KIF2C: variants seen among roughly 807,000 people sequenced by gnomAD.
KIF2C encodes the protein kinesin family member 2C.
In KIF2C, 34 loss-of-function variants were observed where a neutral mutation model predicts 97.4. The ratio of observed to expected loss-of-function variants is 0.35; its 90% confidence interval spans 0.27 to 0.46. The LOEUF is 0.46. KIF2C is among the 20% of genes least tolerant of loss of function. The pLI is 1.00. For synonymous variants in KIF2C, 313 were observed against 318.2 expected, an observed-to-expected ratio of 0.98 and a Z score of 0.17; for missense variants, 750 against 907.6, an observed-to-expected ratio of 0.83 and a Z score of 2.23.
chr1:44,743,644 T>C (rs1315360042), intron 2 of KIF2C, among the ~76,000 whole-genome samples: 1 of 151,986 alleles, frequency 6.6e-6, no homozygotes, highest in Non-Finnish European at 1.5e-5. Flanking sequence ...AAAAAACAAT[T>C]AGCCAGTCAT....
chr1:44,760,770 G>T lies in KIF2C; in HGVS notation c.1683+68G>T, dbSNP rs1359161190. 18 of 1,289,116 alleles carry T rather than the reference G, an allele frequency of 1.4e-5. No individual in the cohort carries two copies. The highest frequency in any genetic ancestry group is 2.2e-6 in the Non-Finnish European group (2 of 894,450). The allele number at this position is 1,289,116 out of a possible 1,614,324, so 79.9% of individuals were successfully genotyped here. A position where few individuals can be genotyped will look rare whatever the true frequency, so the allele number is the denominator to read the frequency against. On this transcript the variant is annotated intron_variant, in intron 16 of 20. Coordinates refer to ENST00000372224, the MANE Select transcript of KIF2C (RefSeq NM_006845.4). This position sits in a 1 kb window ranked among gnomAD's most constrained non-coding sequence, Gnocchi z 4.2. The stretch of plus-strand genomic sequence containing the variant: ...GAGTTGCTTTCCACAGAGACACTTA[G>T]TCCTGTCCCTGGGCTGGAAGCTCAG...
intron 14 of KIF2C, among the ~76,000 whole-genome samples, chr1:44,759,621 G>C (rs1173619741): frequency 2.0e-5 from 3 of 152,186 alleles, no homozygotes; most frequent in Non-Finnish European, 4.4e-5. Flanking sequence ...CCAGGAGTTA[G>C]AGGTTGCAGT....
At position 44,741,012 on chromosome 1, in the gene KIF2C, G is replaced by T. The variant is rs772276308; in HGVS notation, c.165+5G>T. 53 of 1,605,112 alleles carry T rather than the reference G, an allele frequency of 3.3e-5. No individual in the cohort carries two copies. The Admixed American group carries it at 7.3e-4, about 22-fold the overall frequency. ...GGTGCCACAAAGGGCAAAGAGGTAG[G>T]TTCTATGAGAATTCCTCTACCACAT... On this transcript the variant is annotated splice_donor_5th_base_variant and intron_variant, in intron 2 of 20. Transcript: ENST00000372224.
At position 44,753,746 on chromosome 1, in the gene KIF2C, A is replaced by C; in HGVS notation, c.576A>C (p.Ser192=). 2.5e-6 allele frequency: 4 copies of C among 1,603,168 alleles called. No homozygotes were observed. The highest frequency in any genetic ancestry group is 3.4e-6 in the Non-Finnish European group (4 of 1,174,990). Residue 192 remains serine (S), a synonymous_variant, in exon 7 of 21, where the codon TCA becomes TCC. Transcript: ENST00000372224. The part of the protein sequence containing the change: ...ANPVNSVRRK[S]CLVKEVEKMK... ...ATGTTTTCATAGTTCGGAGGAAATC[A>C]TGTCTTGTGAAGGAAGTGGAAAAAA...
chr1:44,761,280 T>C (rs900921971), intron 16 of KIF2C, among the ~76,000 whole-genome samples: 1 of 152,262 alleles, frequency 6.6e-6, no homozygotes, highest in East Asian at 1.9e-4. Context: ...CTAAGGGAAC[T>C]GAAGTTTCCA....
chr1:44,754,695 C>G (rs1326560486), intron 7 of KIF2C, 55 bp from the exon 8 acceptor site: 1 of 1,020,486 alleles, frequency 9.8e-7, no homozygotes, highest in Non-Finnish European at 1.6e-6. Flanking sequence ...GCATAGGGGT[C>G]TGAGAGCACT....
rs575243202 is a variant in KIF2C, at chr1:44,744,086, T to G, written c.165+3079T>G. On this transcript the variant is annotated intron_variant, in intron 2 of 20. Transcript: ENST00000372224. ...AGCCTTTTCAAGCTCTGGTTTTTTTTTTTGTTTGTTTGTTTGTTTTTTGAG... is the reference window on the plus strand; with the variant it reads ...AGCCTTTTCAAGCTCTGGTTTTTTTGTTTGTTTGTTTGTTTGTTTTTTGAG... Among the ~76,000 whole-genome samples the G allele has an allele frequency of 1.9e-3, 248 of 131,538 alleles. 5 individuals are homozygous for G. Among genetic ancestry groups the G allele is most frequent in the East Asian group, 7.5e-3 (30 of 3,992 alleles). 86.3% of individuals were successfully genotyped at this position (131,538 alleles called of 152,430 possible).
chr1:44,750,455 C>G lies in KIF2C; in HGVS notation c.330C>G (p.Arg110=). 6.7e-7 allele frequency: 1 copy of G among 1,495,582 alleles called. No individual in the cohort carries two copies. Among genetic ancestry groups the G allele is most frequent in the Non-Finnish European group, 9.0e-7 (1 of 1,112,446 alleles). 92.6% of individuals were successfully genotyped at this position (1,495,582 alleles called of 1,614,324 possible). A position where few individuals can be genotyped will look rare whatever the true frequency, so the allele number is the denominator to read the frequency against. Residue 110 remains arginine, a synonymous_variant, in exon 5 of 21, where the codon CGC becomes CGG. Coordinates refer to ENST00000372224, the MANE Select transcript of KIF2C (RefSeq NM_006845.4). ...IPAPKESLRS[R]STRMSTVSEL... ...TCGGTTCTCCAGGTCTTCGAAGCCG[C>G]TCCACTCGCATGTCCACTGTCTCAG...
At position 44,753,176 on chromosome 1, in the gene KIF2C, T is replaced by C. The variant is rs754810672; in HGVS notation, c.484T>C (p.Leu162=). The C allele has an allele frequency of 7.4e-6, 12 of 1,613,888 alleles. No homozygotes were observed. The highest frequency in any genetic ancestry group is 2.2e-5 in the South Asian group (2 of 91,060). The part of the protein sequence containing the change: ...PSCPAVAEIP[L]RMVSEEMEEQ... ...CTGCCCTGCAGTGGCTGAAATACCA[T>C]TGAGGATGGTCAGCGAGGAGATGGA... Residue 162 remains leucine (L), a synonymous_variant, in exon 6 of 21, where the codon TTG becomes CTG. Transcript: ENST00000372224.
In KIF2C at chr1:44,754,707, A is replaced by C. The variant is rs1649720168; in HGVS notation, c.664-43A>C. 2.6e-6 allele frequency: 3 copies of C among 1,166,562 alleles called. No homozygotes were observed. In the East Asian group the frequency reaches 7.0e-5, roughly 27 times the overall value. 72.3% of individuals were successfully genotyped at this position (1,166,562 alleles called of 1,614,324 possible). On this transcript the variant is annotated intron_variant, in intron 7 of 20. Coordinates refer to ENST00000372224, the MANE Select transcript of KIF2C (RefSeq NM_006845.4). ...GCCGCATAGGGGTCTGAGAGCACTT[A>C]TATCTTAACAGTCTGCCCTTTTTCA...
Position 44,760,431 on chromosome 1 carries a change from C to T in KIF2C, c.1519C>T (p.Arg507Trp), listed in dbSNP as rs201892340. 24 of 1,614,190 alleles carry T rather than the reference C, an allele frequency of 1.5e-5. No individual in the cohort carries two copies. The highest frequency in any genetic ancestry group is 4.5e-5 in the East Asian group (2 of 44,892). Residue 507 changes from arginine to tryptophan, a missense_variant, in exon 15 of 21, where the codon CGG becomes TGG. Coordinates refer to ENST00000372224, the MANE Select transcript of KIF2C (RefSeq NM_006845.4). This position sits in a 1 kb window ranked among gnomAD's most constrained non-coding sequence, Gnocchi z 4.2. The part of the protein sequence containing the change: ...ERGADTSSAD[R>W]QTRMEGAEIN... ...AGGCGCGGACACTTCCAGTGCTGACCGGCAGACCCGCATGGAGGGCGCAGA... is the reference window on the plus strand; with the variant it reads ...AGGCGCGGACACTTCCAGTGCTGACTGGCAGACCCGCATGGAGGGCGCAGA...
intron 19 of KIF2C, among the ~76,000 whole-genome samples, chr1:44,766,558 C>G (rs1026848226): frequency 2.0e-5 from 3 of 151,566 alleles, no homozygotes; most frequent in Admixed American, 1.3e-4. Context: ...CTATGGTGAG[C>G]CGAGATCACG....
intron 14 of KIF2C, among the ~76,000 whole-genome samples, chr1:44,759,887 T>C (rs904069443): frequency 6.6e-6 from 1 of 152,086 alleles, no homozygotes; most frequent in African/African-American, 2.4e-5. Flanking sequence ...TAGACATTGG[T>C]ACAGTGGGGC....
At chr1:44,745,462 G>GTTTTT (rs1557589253) in intron 2 of KIF2C, among the ~76,000 whole-genome samples, 9 of 42,716 alleles carry the variant, frequency 2.1e-4, no homozygotes, top group East Asian at 7.3e-4. Context: ...GGTTGTATAT[G>GTTTTT]TCTTTTTTTT....
chr1:44,744,741 A>C (rs890606687), intron 2 of KIF2C, among the ~76,000 whole-genome samples: 1 of 152,008 alleles, frequency 6.6e-6, no homozygotes, highest in African/African-American at 2.4e-5. Context: ...TCTACTAAAA[A>C]TCCAAAAACT....
intron 13 of KIF2C, among the ~76,000 whole-genome samples, chr1:44,758,491 AC>A (rs1249769550): frequency 6.6e-6 from 1 of 151,316 alleles, no homozygotes; most frequent in Non-Finnish European, 1.5e-5. Flanking sequence ...TATCTCTTCC[AC>A]CCCTCTCTCT....
chr1:44,744,078 G>GTT (rs745353039), intron 2 of KIF2C, among the ~76,000 whole-genome samples: 6 of 127,102 alleles, frequency 4.7e-5, no homozygotes, highest in African/African-American at 1.4e-4. Context: ...TCAAGCTCTG[G>GTT]TTTTTTTTTT....
At chr1:44,750,395 C>T in intron 4 of KIF2C, 47 bp from the exon 5 acceptor site, 1 of 1,331,836 alleles carries the variant, frequency 7.5e-7, no homozygotes, top group Non-Finnish European at 9.7e-7. Flanking sequence ...CCCTGACCAC[C>T]CTCGAGATCG....
intron 7 of KIF2C, among the ~76,000 whole-genome samples, chr1:44,754,140 T>C (rs1326331878): frequency 1.3e-5 from 2 of 151,898 alleles, no homozygotes; most frequent in Admixed American, 6.6e-5. Flanking sequence ...AGACAGAGTT[T>C]CGCTATTTTG....
Sources: gnomAD v4.1 joint callset for allele counts (sites outside exome capture counted in the v4.1 genomes callset) on GRCh38, gnomAD v4.1.1 for gene constraint, Gnocchi (gnomAD v3.1) non-coding constraint, MANE v1.5 for transcripts, NCBI Gene and HGNC (gene_info 2026-07-23, HGNC 2026-07-21) for gene names.